The following RDX variants were observed in gnomAD, a reference collection of about 807,000 sequenced individuals.
RDX encodes radixin.
In RDX, 32 loss-of-function variants were observed where a neutral mutation model predicts 83.7. The observed-to-expected ratio is 0.38, with a 90% CI of 0.29 to 0.51. The LOEUF (loss-of-function observed/expected upper bound fraction) is 0.51. Ranked by LOEUF, RDX falls within the 20% of genes least tolerant of loss-of-function variation. The probability of loss-of-function intolerance (pLI) is 0.87; values close to 1 mark genes in which losing one functional copy is unlikely to be tolerated. For missense variants in RDX, 600 were observed against 689.9 expected (o/e 0.87, Z 1.46); for synonymous variants, 229 against 222.7 (o/e 1.03, Z -0.25).
intron 3 of RDX, among the ~76,000 whole-genome samples, chr11:110,272,206 C>T (rs1860335401): frequency 6.6e-6 from 1 of 152,204 alleles, no homozygotes; most frequent in Non-Finnish European, 1.5e-5. Context: ...CCTGCTGTTC[C>T]TTCTGCCCAG....
intron 15 of RDX, among the ~76,000 whole-genome samples, chr11:110,192,546 A>G (rs900964678): frequency 1.3e-5 from 2 of 152,248 alleles, no homozygotes; most frequent in African/African-American, 4.8e-5. Context: ...GCTTCTGCAC[A>G]GCAAGAGAAA....
intron 14 of RDX, among the ~76,000 whole-genome samples, chr11:110,206,133 C>T (rs1180539534): frequency 1.3e-5 from 2 of 151,174 alleles, no homozygotes; most frequent in African/African-American, 4.9e-5. Context: ...GGTGGGTCCC[C>T]GTAATCCCAG....
chr11:110,276,246 T>A (rs11213338), intron 2 of RDX, among the ~76,000 whole-genome samples: 1 of 151,594 alleles, frequency 6.6e-6, no homozygotes, highest in Non-Finnish European at 1.5e-5. Flanking sequence ...TAATACAGGG[T>A]TTTTTTTTAA....
At chr11:110,226,474 G>A (rs975117448), downstream of RDX, among the ~76,000 whole-genome samples, 5 of 152,202 alleles carry the variant, frequency 3.3e-5, no homozygotes, top group Non-Finnish European at 5.9e-5. Flanking sequence ...GGACTGGGGA[G>A]GAGGGGGAAT....
At chr11:110,191,820 T>C (rs889787593) in intron 15 of RDX, among the ~76,000 whole-genome samples, 1 of 152,134 alleles carries the variant, frequency 6.6e-6, no homozygotes, top group African/African-American at 2.4e-5. Context: ...CATGCCACTG[T>C]ACTCCAGCCT....
Position 110,241,629 on chromosome 11 carries a change from T to C in RDX, c.1091-3977A>G, listed in dbSNP as rs149649776. Among the ~76,000 whole-genome samples, 761 of 152,318 alleles carry C rather than the reference T, an allele frequency of 5.0e-3. 13 individuals are homozygous for C. Among genetic ancestry groups the C allele is most frequent in the African/African-American group, 0.016 (665 of 41,564 alleles). On this transcript the variant is annotated intron_variant, in intron 10 of 13. Coordinates refer to ENST00000645495, the MANE Select transcript of RDX (RefSeq NM_002906.4). The stretch of plus-strand genomic sequence containing the variant: ...TTAATAATTAATTCTTTTCATCTGA[T>C]TGACTGATATATAAAACAACACCCA...
chr11:110,263,858 A>G, intron 5 of RDX, 102 bp downstream of exon 5: 1 of 1,040,570 alleles, frequency 9.6e-7, no homozygotes, highest in Non-Finnish European at 1.4e-6. Flanking sequence ...ACAGGTCCAG[A>G]CCCTGTCTCC....
chr11:110,209,090 C>G (rs71476942), intron 14 of RDX, among the ~76,000 whole-genome samples: 2,086 of 152,298 alleles, frequency 0.014, 19 homozygotes, highest in Non-Finnish European at 0.023. Flanking sequence ...GTTCATCTCA[C>G]TAGGGAGTGC....
At chr11:110,215,235 C>T (rs144738894) in intron 14 of RDX, among the ~76,000 whole-genome samples, 5 of 149,804 alleles carry the variant, frequency 3.3e-5, no homozygotes, top group East Asian at 3.9e-4. Flanking sequence ...GATGGGTGGG[C>T]GCCTGTAGTC....
chr11:110,195,067 T>C lies in RDX; in HGVS notation c.*31+4514A>G, dbSNP rs1274980768. ...GCGCAGTGGTGCGATCTCAGCTCAC[T>C]GCAACCTCCACCTCCCGGGTTCAAG... On this transcript the variant is annotated intron_variant, in intron 15 of 15. Transcript: ENST00000528498. 2.6e-5 allele frequency among the ~76,000 whole-genome samples: 4 copies of C among 152,110 alleles called. No homozygotes were observed. The South Asian group carries it at 6.2e-4, about 24-fold the overall frequency.
intron 15 of RDX, among the ~76,000 whole-genome samples, chr11:110,189,654 A>G (rs1169258033): frequency 6.6e-6 from 1 of 152,244 alleles, no homozygotes; most frequent in African/African-American, 2.4e-5. Context: ...CATGCCAACC[A>G]TACTCTAGAA....
intron 5 of RDX, among the ~76,000 whole-genome samples, chr11:110,259,052 G>A (rs990691859): frequency 8.6e-5 from 13 of 151,812 alleles, no homozygotes; most frequent in Non-Finnish European, 1.8e-4. Flanking sequence ...CGCGTAGCTG[G>A]GATTACAGGC....
chr11:110,208,472 A>C (rs953161594), intron 14 of RDX, among the ~76,000 whole-genome samples: 1 of 152,142 alleles, frequency 6.6e-6, no homozygotes, highest in African/African-American at 2.4e-5. Flanking sequence ...CTCCAGACTG[A>C]GTTCAGTTCT....
chr11:110,189,243 T>A (rs1223100323), intron 15 of RDX, among the ~76,000 whole-genome samples: 60 of 35,568 alleles, frequency 1.7e-3, no homozygotes, highest in Non-Finnish European at 2.2e-3. Flanking sequence ...GAACAACAGG[T>A]AAAAAAAAAA....
At chr11:110,224,162 C>T (rs1423581108) in intron 14 of RDX, among the ~76,000 whole-genome samples, 3 of 151,482 alleles carry the variant, frequency 2.0e-5, no homozygotes, top group Admixed American at 2.0e-4. Flanking sequence ...GAACATAATC[C>T]TGTCATAATG....
chr11:110,294,301 A>G (rs1861357893), intron 1 of RDX, among the ~76,000 whole-genome samples: 1 of 152,252 alleles, frequency 6.6e-6, no homozygotes, highest in Non-Finnish European at 1.5e-5. Context: ...TGGCTGAGGT[A>G]CAAGAATCAC....
chr11:110,199,849 CT>C (rs1288032845), intron 14 of RDX, among the ~76,000 whole-genome samples: 1 of 151,526 alleles, frequency 6.6e-6, no homozygotes, highest in Non-Finnish European at 1.5e-5. Flanking sequence ...TCTTTAACCT[CT>C]TTTTTTTTCC....
intron 15 of RDX, among the ~76,000 whole-genome samples, chr11:110,177,539 C>T (rs1051957351): frequency 6.6e-6 from 1 of 152,228 alleles, no homozygotes; most frequent in Non-Finnish European, 1.5e-5. Context: ...CCCCCCAAAT[C>T]CTCCATTCAG....
chr11:110,241,054 TC>T (rs1262179538), intron 10 of RDX, among the ~76,000 whole-genome samples: 723 of 58,428 alleles, frequency 0.012, 9 homozygotes, highest in African/African-American at 0.045. Context: ...AGACTCTGTC[TC>T]CAAAAAAAAA....
Sources: allele counts gnomAD v4.1 joint callset (sites outside exome capture counted in the v4.1 genomes callset), GRCh38; gene constraint gnomAD v4.1.1; transcripts MANE v1.5; gene names NCBI Gene and HGNC (gene_info 2026-07-23, HGNC 2026-07-21).